LRP4: variants seen among roughly 807,000 people sequenced by gnomAD.
The protein encoded by LRP4 is LDL receptor related protein 4.
LRP4 carries 95 observed loss-of-function variants against 220.3 expected under a neutral mutation model. The observed-to-expected ratio is 0.43, with a 90% confidence interval of 0.37 to 0.51. LRP4 has a LOEUF of 0.51. LRP4 is among the 20% of genes least tolerant of loss of function. The probability of loss-of-function intolerance (pLI) is 0.00; values close to 1 mark genes in which losing one functional copy is unlikely to be tolerated. For missense variants in LRP4, 1,925 were observed against 2,567.0 expected (o/e 0.75, Z 5.40); for synonymous variants, 903 against 954.6 (o/e 0.95, Z 1.00).
At chr11:46,894,999 C>G (rs1482262550) in intron 11 of LRP4, among the ~76,000 whole-genome samples, 167 bp downstream of exon 11, 1 of 152,100 alleles carries the variant, frequency 6.6e-6, no homozygotes, top group Non-Finnish European at 1.5e-5. Context: ...CTCCCCACCC[C>G]ACTCCACCCC....
Position 46,901,622 on chromosome 11 carries a change from C to T in LRP4, c.199+1161G>A, listed in dbSNP as rs564086897. 9.8e-5 allele frequency among the ~76,000 whole-genome samples: 15 copies of T among 152,312 alleles called. No homozygotes were observed. The South Asian group carries it at 3.1e-3, about 32-fold the overall frequency. On this transcript the variant is annotated intron_variant, in intron 2 of 37. Coordinates refer to ENST00000378623, the MANE Select transcript of LRP4 (RefSeq NM_002334.4). Reference sequence around the variant, plus strand: ...TACAGGTAGGTCAGAGATTGCGCCTCTAATCCAGACTATTGGCTTAGCAGG... The same window carrying T: ...TACAGGTAGGTCAGAGATTGCGCCTTTAATCCAGACTATTGGCTTAGCAGG...
chr11:46,878,116 T>C (rs1941062305), intron 22 of LRP4, among the ~76,000 whole-genome samples: 1 of 152,126 alleles, frequency 6.6e-6, no homozygotes, highest in Non-Finnish European at 1.5e-5. Context: ...ACTTCCGACA[T>C]CTGGGTAGCC....
intron 13 of LRP4, 79 bp downstream of exon 13, chr11:46,892,894 C>A: frequency 6.5e-7 from 1 of 1,545,538 alleles, no homozygotes. Context: ...GGATGTACTC[C>A]CAGAATGTCT....
chr11:46,902,899 C>A lies in LRP4; in HGVS notation c.83G>T (p.Gly28Val). ...GLASSPECAC[G>V]RSHFTCAVSA... The stretch of plus-strand genomic sequence containing the variant: ...CACTGCACATGTGAAGTGGCTCCGA[C>A]CACAAGCACACTCGGGGCTGCTGGC... Residue 28 changes from glycine (G) to valine (V), a missense_variant, in exon 2 of 38, where the codon GGT becomes GTT. Physicochemically the swap from Gly to Val is moderately radical, Grantham distance 109. Coordinates refer to ENST00000378623, the MANE Select transcript of LRP4 (RefSeq NM_002334.4). 1.9e-6 allele frequency: 3 copies of A among 1,614,120 alleles called. No individual in the cohort carries two copies. Among genetic ancestry groups the A allele is most frequent in the Non-Finnish European group, 2.5e-6 (3 of 1,180,026 alleles).
chr11:46,918,399 G>T lies in LRP4; in HGVS notation c.-20C>A. The T allele has an allele frequency of 5.7e-6, 8 of 1,411,624 alleles. No homozygotes were observed. Among genetic ancestry groups the T allele is most frequent in the Non-Finnish European group, 7.4e-6 (8 of 1,084,010 alleles). 87.4% of individuals were successfully genotyped at this position (1,411,624 alleles called of 1,614,324 possible). On this transcript the variant is annotated 5_prime_UTR_variant, in exon 1 of 38. Transcript: ENST00000378623. The surrounding 1 kb of genome is among the most constrained non-coding windows in gnomAD (Gnocchi z 6.0). ...CCTCATGGTGCCGCCCGCGCCGCTC[G>T]CCCGGGGTCCCGCCGGCTCCCGCCG...
At chr11:46,877,090 A>G in intron 23 of LRP4, 109 bp downstream of exon 23, 1 of 1,309,054 alleles carries the variant, frequency 7.6e-7, no homozygotes, top group East Asian at 2.3e-5. Flanking sequence ...GGGAATGGGG[A>G]ACAAACACCC....
At chr11:46,862,799 AC>A (rs1467909455) in intron 36 of LRP4, 52 bp from the exon 37 acceptor site, 7 of 1,559,572 alleles carry the variant, frequency 4.5e-6, no homozygotes, top group Non-Finnish European at 6.2e-6. Flanking sequence ...AGGGGATGAT[AC>A]CTGGGAAAGC....
At chr11:46,883,761 T>TTGGGCATATCCATAAGATC in intron 19 of LRP4, 110 bp downstream of exon 19, 1 of 839,876 alleles carries the variant, frequency 1.2e-6, no homozygotes, top group South Asian at 1.6e-5. Context: ...TCTTGCTTCC[T>TTGGGCATATCCATAAGATC]TGGGCATATC....
rs190506170 is a variant in LRP4 at position 46,860,032 on chromosome 11, C to T, written c.5386-717G>A. On this transcript the variant is annotated intron_variant, in intron 37 of 37. Transcript: ENST00000378623. ...GGCAGATCACTTGAGTTCAGGAGTT[C>T]GAGACTAGCCTGGCCAACATGGTGA... Among the ~76,000 whole-genome samples, 1,153 of 151,832 alleles carry T rather than the reference C, an allele frequency of 7.6e-3. 14 individuals are homozygous for T. The highest frequency in any genetic ancestry group is 0.014 in the Middle Eastern group (4 of 294).
chr11:46,865,270 G>GT, intron 34 of LRP4, 84 bp from the exon 35 acceptor site: 1 of 920,382 alleles, frequency 1.1e-6, no homozygotes, highest in East Asian at 2.6e-5. Context: ...GGAAAGGCCT[G>GT]TAAGTGGGGG....
intron 36 of LRP4, chr11:46,863,081 G>A (rs1210927098): frequency 2.9e-6 from 1 of 349,526 alleles, no homozygotes; most frequent in Non-Finnish European, 5.4e-6. Context: ...GGCCCACAAG[G>A]CAAGAAACTA....
chr11:46,864,431 A>G lies in LRP4; in HGVS notation c.5243+17T>C, dbSNP rs778602193. 3.8e-6 allele frequency: 6 copies of G among 1,589,390 alleles called. No individual in the cohort carries two copies. The highest frequency in any genetic ancestry group is 1.1e-5 in the South Asian group (1 of 90,590). ...AGACCAATGAGCATGTGGCCCCTGT[A>G]GCAAGACTGAAGTTACCTGTACAGC... On this transcript the variant is annotated intron_variant, in intron 36 of 37. Coordinates refer to ENST00000378623, the MANE Select transcript of LRP4 (RefSeq NM_002334.4).
intron 2 of LRP4, among the ~76,000 whole-genome samples, chr11:46,901,236 C>A (rs1427410060): frequency 6.6e-6 from 1 of 152,138 alleles, no homozygotes; most frequent in Non-Finnish European, 1.5e-5. Context: ...GGAAGAACAA[C>A]CCAAAGAACT....
chr11:46,889,801 G>A (rs1565792863), intron 15 of LRP4, 143 bp downstream of exon 15: 1 of 946,190 alleles, frequency 1.1e-6, no homozygotes, highest in East Asian at 2.6e-5. Flanking sequence ...CCAGCAGAGG[G>A]AGGAATTAGC....
At chr11:46,911,791 T>C (rs1313413417) in intron 1 of LRP4, among the ~76,000 whole-genome samples, 1 of 150,618 alleles carries the variant, frequency 6.6e-6, no homozygotes, top group African/African-American at 2.4e-5. Context: ...ACTATTTGTA[T>C]GACAGGAAAC....
intron 1 of LRP4, among the ~76,000 whole-genome samples, chr11:46,903,782 C>T (rs947606765): frequency 3.3e-5 from 5 of 152,150 alleles, no homozygotes; most frequent in African/African-American, 1.2e-4. Context: ...GCTCTGAGTC[C>T]CCCAGGCCAC....
chr11:46,917,474 C>T (rs1010858570), intron 1 of LRP4, among the ~76,000 whole-genome samples: 6 of 152,186 alleles, frequency 3.9e-5, no homozygotes, highest in African/African-American at 1.4e-4. Flanking sequence ...TCCCACACAA[C>T]AGGGGGTACG....
chr11:46,871,015 C>T (rs1940847171), intron 31 of LRP4, among the ~76,000 whole-genome samples: 3 of 152,162 alleles, frequency 2.0e-5, no homozygotes, highest in African/African-American at 7.2e-5. Flanking sequence ...ACAGATAGAA[C>T]TTGAATCCAG....
chr11:46,884,165 T>C (rs1420350461), intron 18 of LRP4, among the ~76,000 whole-genome samples, 189 bp from the exon 19 acceptor site: 1 of 152,230 alleles, frequency 6.6e-6, no homozygotes, highest in Non-Finnish European at 1.5e-5. Context: ...ATGTGATCAG[T>C]TGGATTTCTT....
Sources: allele counts gnomAD v4.1 joint callset (sites outside exome capture counted in the v4.1 genomes callset), GRCh38; gene constraint gnomAD v4.1.1; non-coding constraint Gnocchi (gnomAD v3.1); transcripts MANE v1.5; gene names NCBI Gene and HGNC (gene_info 2026-07-23, HGNC 2026-07-21).